Variants in KMO observed in about 807,000 individuals in gnomAD.
KMO encodes kynurenine 3-hydroxylase.
KMO carries 24 observed loss-of-function variants against 57.8 expected under a neutral mutation model. The observed-to-expected ratio is 0.42, with a 90% CI of 0.30 to 0.58. The LOEUF (loss-of-function observed/expected upper bound fraction) is 0.58. Ranked by LOEUF, KMO falls within the 20% of genes least tolerant of loss-of-function variation. The pLI, the probability that KMO is intolerant of heterozygous loss-of-function variation, is 0.22. For missense variants in KMO, 483 were observed against 588.2 expected (o/e 0.82, Z 1.85); for synonymous variants, 210 against 193.6 (o/e 1.08, Z -0.70).
Position 241,574,532 on chromosome 1 carries a change from G to T in KMO, c.957+5885G>T, listed in dbSNP as rs1026366850. ...CTGCAACTGTAGAGATGATCATATG[G>T]TTTTTTTTTTAATTCTGTTTATGTG... On this transcript the variant is annotated intron_variant, in intron 10 of 14. Transcript: ENST00000366559. Among the ~76,000 whole-genome samples, 36 of 150,480 alleles carry T rather than the reference G, an allele frequency of 2.4e-4. 1 individual carries two copies. Among genetic ancestry groups the T allele is most frequent in the African/African-American group, 3.6e-4 (15 of 41,178 alleles).
At chr1:241,555,174 C>T (rs1342602705) in intron 4 of KMO, among the ~76,000 whole-genome samples, 1 of 152,104 alleles carries the variant, frequency 6.6e-6, no homozygotes, top group Admixed American at 6.5e-5. Flanking sequence ...CACACACACA[C>T]TTTTTACATT....
Position 241,564,999 on chromosome 1 carries a change from C to A in KMO, c.628C>A (p.Pro210Thr). Residue 210 changes from proline to threonine, a missense_variant, in exon 8 of 15, where the codon CCT becomes ACT. Pro to Thr is a conservative substitution (Grantham distance 38, BLOSUM62 -1). Coordinates refer to ENST00000366559, the MANE Select transcript of KMO (RefSeq NM_003679.5). ...PPKNGDYAME[P>T]NYLHIWPRNT... Reference sequence around the variant, plus strand: ...CTTTTTTCTGCAGTATGCCATGGAACCTAATTATCTGCATATTTGGCCTAG... The same window carrying A: ...CTTTTTTCTGCAGTATGCCATGGAAACTAATTATCTGCATATTTGGCCTAG... The A allele has an allele frequency of 1.9e-6, 3 of 1,603,070 alleles. No homozygotes were observed. The highest frequency in any genetic ancestry group is 2.6e-6 in the Non-Finnish European group (3 of 1,170,450).
In KMO at chr1:241,560,724, C is replaced by A. The variant is rs1661804522; in HGVS notation, c.421C>A (p.Pro141Thr). 6.2e-7 allele frequency: 1 copy of A among 1,613,292 alleles called. No homozygotes were observed. The highest frequency in any genetic ancestry group is 1.3e-5 in the African/African-American group (1 of 74,872). Residue 141 changes from proline (P) to threonine (T), a missense_variant, in exon 6 of 15, where the codon CCA becomes ACA. Transcript: ENST00000366559. ...HFNHRLLKCNPEEGMITVLGS... is the reference protein window; with the variant it reads ...HFNHRLLKCNTEEGMITVLGS... ...TAACCACAGGCTGTTGAAATGTAAT[C>A]CAGAGGAAGGAATGATCACAGTGCT...
At chr1:241,591,071 T>C (rs183039752) in intron 14 of KMO, among the ~76,000 whole-genome samples, 1 of 152,212 alleles carries the variant, frequency 6.6e-6, no homozygotes, top group Admixed American at 6.5e-5. Context: ...TTTAGAAAGA[T>C]GTCTATATGG....
chr1:241,548,287 T>G (rs1195508896), intron 1 of KMO, among the ~76,000 whole-genome samples: 2 of 152,064 alleles, frequency 1.3e-5, no homozygotes, highest in African/African-American at 4.8e-5. Context: ...TAAAAAATTT[T>G]TAATGGGTAA....
Position 241,540,453 on chromosome 1 carries a change from G to A in KMO, c.54+7955G>A, listed in dbSNP as rs184040646. Among the ~76,000 whole-genome samples, 476 of 152,132 alleles carry A rather than the reference G, an allele frequency of 3.1e-3. 3 individuals carry two copies. The highest frequency in any genetic ancestry group is 0.011 in the African/African-American group (452 of 41,512). The stretch of plus-strand genomic sequence containing the variant: ...AGGAAAAACTACACTGAGGATATGA[G>A]TCTTAAAGGAAAGGTAGGCATTTTC... On this transcript the variant is annotated intron_variant, in intron 1 of 14. Transcript: ENST00000366559.
chr1:241,580,328 A>G (rs1327472347), intron 10 of KMO, among the ~76,000 whole-genome samples: 2 of 152,132 alleles, frequency 1.3e-5, no homozygotes, highest in Admixed American at 6.5e-5. Flanking sequence ...AGGCATGCTA[A>G]CATTGCCTCC....
chr1:241,589,932 G>C (rs1436926666), intron 12 of KMO, 80 bp from the exon 13 acceptor site: 2 of 1,083,150 alleles, frequency 1.8e-6, no homozygotes, highest in African/African-American at 3.1e-5. Context: ...CGATGAGTGG[G>C]AATGAAGAAT....
chr1:241,560,774 GACTTCA>G (rs1661806376), intron 6 of KMO, 22 bp downstream of exon 6: 1 of 1,521,602 alleles, frequency 6.6e-7, no homozygotes. Context: ...TCAGGTTTTG[GACTTCA>G]GAGGTGAAAG....
chr1:241,561,537 A>C lies in KMO; in HGVS notation c.450-630A>C, dbSNP rs151172776. On this transcript the variant is annotated intron_variant, in intron 6 of 14. Coordinates refer to ENST00000366559, the MANE Select transcript of KMO (RefSeq NM_003679.5). ...GTACTTCCGGCTCTCATTCCTGCAC[A>C]TGTAATATAATGTGTTGCCATCACC... Among the ~76,000 whole-genome samples the C allele has an allele frequency of 2.6e-5, 4 of 152,288 alleles. No individual in the cohort carries two copies. In the East Asian group the frequency reaches 7.7e-4, roughly 29 times the overall value.
intron 5 of KMO, among the ~76,000 whole-genome samples, chr1:241,556,590 G>A (rs566404267): frequency 6.6e-6 from 1 of 152,272 alleles, no homozygotes; most frequent in East Asian, 1.9e-4. Flanking sequence ...AATTAGATTT[G>A]CCTTTTGGGC....
intron 11 of KMO, among the ~76,000 whole-genome samples, chr1:241,588,329 CT>C (rs57587351): frequency 0.035 from 3,460 of 98,170 alleles, 5 homozygotes; most frequent in East Asian, 0.042. Context: ...TCTTTTTTTT[CT>C]TTTTTTTTTT....
rs530554829 is a variant in KMO at position 241,594,355 on chromosome 1, G to A, written c.*2202G>A. On this transcript the variant is annotated 3_prime_UTR_variant, in exon 15 of 15. Transcript: ENST00000366559. ...GATATTACATAGAACGGGTATTCCA[G>A]ACACTTCTTATGATGAAAGTCCAAA... 2.6e-5 allele frequency: 39 copies of A among 1,501,698 alleles called. No homozygotes were observed. In the Admixed American group the frequency reaches 7.0e-4, roughly 27 times the overall value. 93.0% of individuals were successfully genotyped at this position (1,501,698 alleles called of 1,614,324 possible).
chr1:241,551,861 A>C (rs183104109), intron 4 of KMO, among the ~76,000 whole-genome samples: 97 of 152,258 alleles, frequency 6.4e-4, no homozygotes, highest in Admixed American at 1.1e-3. Flanking sequence ...GATCCTGTTA[A>C]AATGCAGTCT....
intron 1 of KMO, among the ~76,000 whole-genome samples, chr1:241,539,213 T>A (rs1455551468): frequency 6.6e-6 from 1 of 151,970 alleles, no homozygotes; most frequent in Admixed American, 6.6e-5. Context: ...TGAAACCCCA[T>A]CTCTACTGAA....
chr1:241,549,864 T>C (rs1326776877), intron 3 of KMO, 90 bp downstream of exon 3: 1 of 803,692 alleles, frequency 1.2e-6, no homozygotes, highest in Non-Finnish European at 2.0e-6. Context: ...AAAAGTACCA[T>C]TTAATACCAA....
In KMO at chr1:241,572,748, G is replaced by A. The variant is rs113900533; in HGVS notation, c.957+4101G>A. ...AGATTTTAGTGCATCTGTGACCTGA[G>A]TAGAGTACACTGTACCCAATATAGT... On this transcript the variant is annotated intron_variant, in intron 10 of 14. Transcript: ENST00000366559. 3.9e-3 allele frequency among the ~76,000 whole-genome samples: 586 copies of A among 152,132 alleles called. 8 individuals carry two copies. Among genetic ancestry groups the A allele is most frequent in the African/African-American group, 0.013 (529 of 41,508 alleles).
intron 10 of KMO, among the ~76,000 whole-genome samples, chr1:241,571,758 T>A (rs996842699): frequency 5.9e-5 from 9 of 151,982 alleles, no homozygotes; most frequent in African/African-American, 1.7e-4. Flanking sequence ...TTTTGTTACG[T>A]CTTTGTCTAG....
At position 241,594,123 on chromosome 1, in the gene KMO, T is replaced by G; in HGVS notation, c.*1970T>G. 3.3e-6 allele frequency: 1 copy of G among 303,380 alleles called. No homozygotes were observed. The highest frequency in any genetic ancestry group is 2.2e-5 in the African/African-American group (1 of 46,132). The allele number at this position is 303,380 out of a possible 1,614,324, so 18.8% of individuals were successfully genotyped here. ...AAAATGCATTACGTGTTTTGGAAAA[T>G]AGAGTAATTTAAAAAATATATTTGA... is the stretch of plus-strand genomic sequence containing the variant. On this transcript the variant is annotated 3_prime_UTR_variant, in exon 15 of 15. Transcript: ENST00000366559.
Sources: allele counts gnomAD v4.1 joint callset (sites outside exome capture counted in the v4.1 genomes callset), GRCh38; gene constraint gnomAD v4.1.1; transcripts MANE v1.5; gene names NCBI Gene and HGNC (gene_info 2026-07-23, HGNC 2026-07-21).